SLC26A6: variants seen among roughly 807,000 people sequenced by gnomAD.
SLC26A6 encodes the protein anion exchange transporter.
SLC26A6 carries 67 observed loss-of-function variants against 87.1 expected under a neutral mutation model. The observed-to-expected ratio is 0.77, with a 90% CI of 0.63 to 0.94. The LOEUF is 0.94. Ranked by LOEUF, SLC26A6 falls within the 40% of genes least tolerant of loss-of-function variation. The pLI is 0.00. For synonymous variants in SLC26A6, 414 were observed against 405.9 expected (o/e 1.02, Z -0.24); for missense variants, 902 against 973.0 (o/e 0.93, Z 0.97).
rs765792045 is a variant in SLC26A6 at position 48,632,988 on chromosome 3, C to A, written c.419G>T (p.Arg140Leu). The change falls in exon 4 of 21, where the codon CGG (arginine) becomes CTG (leucine). Residue 140 changes from arginine to leucine, a missense_variant. Arg to Leu is a moderately radical substitution (Grantham distance 102, BLOSUM62 -2). This residue lies in a region of SLC26A6 where 800 missense variants were observed against 856.8 expected (regional missense o/e 0.93). Coordinates refer to ENST00000395550, the MANE Select transcript of SLC26A6 (RefSeq NM_022911.3). ...VFIYFLFGTS[R>L]HISVGTFAVM... is the part of the protein sequence containing the mutation. Reference sequence around the variant, plus strand: ...CCTCCACTTACCCACGGAGATGTGCCGGGAAGTGCCAAACAGGAAGTAGAT... The same window carrying A: ...CCTCCACTTACCCACGGAGATGTGCAGGGAAGTGCCAAACAGGAAGTAGAT... 1 of 1,613,198 alleles carries A rather than the reference C, an allele frequency of 6.2e-7. No individual in the cohort carries two copies. The highest frequency in any genetic ancestry group is 1.3e-5 in the African/African-American group (1 of 74,936).
rs2046848135 is a variant in SLC26A6 at position 48,632,959 on chromosome 3, C to G, written c.433+15G>C. The stretch of plus-strand genomic sequence containing the variant: ...GTGGGCATCCTCCTGGAAGGCTAGG[C>G]CTGCCTCCACTTACCCACGGAGATG... On this transcript the variant is annotated intron_variant, in intron 4 of 20. Transcript: ENST00000395550. 1 of 1,609,430 alleles carries G rather than the reference C, an allele frequency of 6.2e-7. No individual in the cohort carries two copies. The highest frequency in any genetic ancestry group is 8.5e-7 in the Non-Finnish European group (1 of 1,177,392).
Position 48,632,335 on chromosome 3 carries a change from G to A in SLC26A6, c.495C>T (p.Ala165=), listed in dbSNP as rs1370106826. ...TCTCATTGATCATGGAGTCGTTCAAGGCCTGCGGGGCCAGGGATTCTGTCA... is the reference window on the plus strand; with the variant it reads ...TCTCATTGATCATGGAGTCGTTCAAAGCCTGCGGGGCCAGGGATTCTGTCA... ...GSVTESLAPQ[A]LNDSMINETA... is the part of the protein sequence containing the mutation. Residue 165 remains alanine (A), a synonymous_variant, in exon 5 of 21, where the codon GCC becomes GCT. Transcript: ENST00000395550. 3 of 1,613,052 alleles carry A rather than the reference G, an allele frequency of 1.9e-6. No individual in the cohort carries two copies. The highest frequency in any genetic ancestry group is 1.7e-5 in the Admixed American group (1 of 59,918).
At chr3:48,626,744 G>C (rs997358142) in intron 18 of SLC26A6, 59 bp from the exon 19 acceptor site, 1 of 1,611,370 alleles carries the variant, frequency 6.2e-7, no homozygotes, top group South Asian at 1.1e-5. Flanking sequence ...AGGGGGGCTC[G>C]GGCAGGCTTG....
At chr3:48,632,496 T>C (rs2106670397) in intron 4 of SLC26A6, 100 bp from the exon 5 acceptor site, 3 of 1,473,074 alleles carry the variant, frequency 2.0e-6, no homozygotes, top group Non-Finnish European at 2.8e-6. Context: ...CAGTTCTGGA[T>C]AAATGTACTC....
chr3:48,626,122 C>A, intron 20 of SLC26A6, 96 bp downstream of exon 20: 2 of 1,610,758 alleles, frequency 1.2e-6, no homozygotes, highest in East Asian at 4.5e-5. Context: ...GGGACAGAGC[C>A]ATGGCCACCA....
rs766179808 is a variant in SLC26A6 at position 48,631,675 on chromosome 3, T to C, written c.877A>G (p.Met293Val). The C allele has an allele frequency of 5.6e-6, 9 of 1,613,182 alleles. No homozygotes were observed. Among genetic ancestry groups the C allele is most frequent in the South Asian group, 4.4e-5 (4 of 91,086 alleles). The change falls in exon 7 of 21, where the codon ATG becomes GTG. Residue 293 changes from methionine to valine, a missense_variant. Met to Val is a conservative substitution (Grantham distance 21). This residue lies in a region of SLC26A6 where 800 missense variants were observed against 856.8 expected (regional missense o/e 0.93). Coordinates refer to ENST00000395550, the MANE Select transcript of SLC26A6 (RefSeq NM_022911.3). Reference sequence around the variant, plus strand: ...GTGAGCAGCTCCCCGGGTATCGGCATGGGCAGCTGCTGCTGCAGCTTGTCA... The same window carrying C: ...GTGAGCAGCTCCCCGGGTATCGGCACGGGCAGCTGCTGCTGCAGCTTGTCA... ...LNDKLQQQLP[M>V]PIPGELLTLI...
At chr3:48,632,874 C>A in intron 4 of SLC26A6, 100 bp downstream of exon 4, 1 of 1,213,592 alleles carries the variant, frequency 8.2e-7, no homozygotes, top group Non-Finnish European at 1.2e-6. Context: ...CAATGCTGCC[C>A]TCTTCCCCAG....
chr3:48,631,035 C>G lies in SLC26A6; in HGVS notation c.1092G>C (p.Lys364Asn). 1.2e-6 allele frequency: 2 copies of G among 1,613,908 alleles called. No individual in the cohort carries two copies. The stretch of plus-strand genomic sequence containing the variant: ...GGTAGCCGTGCCTCAGGGCGAAGAT[C>G]TTCCCCAGTGAGATGGCAATGGCAA... The part of the protein sequence containing the change: ...VGFAIAISLG[K>N]IFALRHGYRV... The change falls in exon 9 of 21, where the codon AAG (lysine) becomes AAC (asparagine). Residue 364 changes from lysine to asparagine, a missense_variant. By Grantham distance (94) the Lys-to-Asn change is moderately conservative. Transcript: ENST00000395550.
At position 48,631,118 on chromosome 3, in the gene SLC26A6, TGGG is replaced by T. The variant is rs1242876304; in HGVS notation, c.1006_1008del (p.Pro336del). On this transcript the variant is annotated inframe_deletion, in exon 9 of 21. Coordinates refer to ENST00000395550, the MANE Select transcript of SLC26A6 (RefSeq NM_022911.3). Reference sequence around the variant, plus strand: ...ACGAGCTTTGAGAACAGCTGGGTGTTGGGGGCCACTGGGGGCACCAGCCTGTGA... The same window carrying T: ...ACGAGCTTTGAGAACAGCTGGGTGTTGGCCACTGGGGGCACCAGCCTGTGA... The T allele has an allele frequency of 6.2e-7, 1 of 1,613,548 alleles. No individual in the cohort carries two copies.
At chr3:48,627,136 G>A (rs2046648408) in intron 17 of SLC26A6, 81 bp from the exon 18 acceptor site, 17 of 1,519,746 alleles carry the variant, frequency 1.1e-5, no homozygotes, top group Non-Finnish European at 1.4e-5. Flanking sequence ...GCGAGAACAC[G>A]CAAGGTCAGA....
Position 48,629,996 on chromosome 3 carries a change from C to T in SLC26A6, c.1423-18G>A, listed in dbSNP as rs761284674. On this transcript the variant is annotated intron_variant, in intron 12 of 20. Coordinates refer to ENST00000395550, the MANE Select transcript of SLC26A6 (RefSeq NM_022911.3). ...CAGATAAGCTGAGAACAGAGGGCAG[C>T]GGTTGGAGGGCGGCGAGGAGCCATG... 1.4e-5 allele frequency: 23 copies of T among 1,614,050 alleles called. No homozygotes were observed. Among genetic ancestry groups the T allele is most frequent in the South Asian group, 2.2e-5 (2 of 91,076 alleles).
At chr3:48,630,243 C>A in intron 11 of SLC26A6, 86 bp from the exon 12 acceptor site, 1 of 1,494,820 alleles carries the variant, frequency 6.7e-7, no homozygotes, top group Non-Finnish European at 9.2e-7. Flanking sequence ...AGACTAAGCC[C>A]AAGCACTCAG....
intron 1 of SLC26A6, chr3:48,634,659 A>G (rs1156268329): frequency 1.1e-6 from 1 of 908,946 alleles, no homozygotes; most frequent in African/African-American, 1.8e-5. Context: ...AGCTTTCACC[A>G]GTCAGGAAAG....
intron 1 of SLC26A6, chr3:48,634,739 C>T (rs550800788): frequency 1.0e-6 from 1 of 985,302 alleles, no homozygotes; most frequent in Non-Finnish European, 1.2e-6. Flanking sequence ...ACCTGGGAAG[C>T]GCCTCTAACC....
Position 48,625,724 on chromosome 3 carries a change from T to A in SLC26A6, c.*262A>T. 1.7e-6 allele frequency: 1 copy of A among 581,016 alleles called. No homozygotes were observed. The highest frequency in any genetic ancestry group is 3.1e-6 in the Non-Finnish European group (1 of 321,412). 36.0% of individuals were successfully genotyped at this position (581,016 alleles called of 1,614,324 possible). A position where few individuals can be genotyped will look rare whatever the true frequency, so the allele number is the denominator to read the frequency against. On this transcript the variant is annotated 3_prime_UTR_variant, in exon 21 of 21. Coordinates refer to ENST00000395550, the MANE Select transcript of SLC26A6 (RefSeq NM_022911.3). The surrounding 1 kb of genome is among the most constrained non-coding windows in gnomAD (Gnocchi z 4.7). Reference sequence around the variant, plus strand: ...ACCAAGCCACAGCAGAGACTGGAGTTGAGCAGACAAATCTTTATTCCTGAG... The same window carrying A: ...ACCAAGCCACAGCAGAGACTGGAGTAGAGCAGACAAATCTTTATTCCTGAG...
chr3:48,635,337 G>C (rs768884265), intron 1 of SLC26A6, 34 bp downstream of exon 1: 21 of 1,578,674 alleles, frequency 1.3e-5, no homozygotes, highest in Non-Finnish European at 1.8e-5. Flanking sequence ...CGAGGCGCTC[G>C]CGCGGGGCCA....
intron 1 of SLC26A6, chr3:48,633,915 A>C: frequency 7.6e-7 from 1 of 1,307,552 alleles, no homozygotes; most frequent in Non-Finnish European, 9.8e-7. Context: ...GAGATGTGGC[A>C]GCCCAGTGCT....
chr3:48,627,235 T>G (rs1255553457), intron 17 of SLC26A6, 180 bp from the exon 18 acceptor site: 3 of 716,216 alleles, frequency 4.2e-6, no homozygotes. Context: ...TGTGGGGACA[T>G]GCAGGAGGGC....
At chr3:48,626,060 G>GC in intron 20 of SLC26A6, 60 bp from the exon 21 acceptor site, 1 of 1,612,836 alleles carries the variant, frequency 6.2e-7, no homozygotes. Flanking sequence ...ACCAACCCCC[G>GC]CCCCTAGAAC....
Sources: allele counts gnomAD v4.1 joint callset, GRCh38; gene constraint gnomAD v4.1.1; regional missense constraint gnomAD v4.1.1; non-coding constraint Gnocchi (gnomAD v3.1); transcripts MANE v1.5; gene names NCBI Gene and HGNC (gene_info 2026-07-23, HGNC 2026-07-21).